Variants in SEPTIN1 observed in about 807,000 individuals in gnomAD.
The protein encoded by SEPTIN1 is septin 1.
SEPTIN1 carries 52 observed loss-of-function variants against 50.7 expected under a neutral mutation model. The ratio of observed to expected loss-of-function variants is 1.03; its 90% CI spans 0.82 to 1.29. The LOEUF (loss-of-function observed/expected upper bound fraction) is 1.29, where lower values mean the gene tolerates loss of function less well. SEPTIN1 is among the 50% of genes most tolerant of loss of function. The pLI is 0.00. For missense variants in SEPTIN1, 455 were observed against 490.7 expected (o/e 0.93, Z 0.69); for synonymous variants, 204 against 189.1 (o/e 1.08, Z -0.65).
chr16:30,379,638 C>CCCTT (rs2049813287), intron 7 of SEPTIN1, 104 bp from the exon 8 acceptor site: 11 of 295,672 alleles, frequency 3.7e-5, no homozygotes, highest in Admixed American at 8.2e-5. Context: ...CTGCCCCTTC[C>CCCTT]TCTTTTTTTT....
Position 30,382,460 on chromosome 16 carries a change from T to C in SEPTIN1, c.18+65A>G. On this transcript the variant is annotated intron_variant, in intron 1 of 10. Transcript: ENST00000321367. This position sits in a 1 kb window ranked among gnomAD's most constrained non-coding sequence, Gnocchi z 4.8. ...CCTGGGCTAGGAAGAGTCAGTGGGG[T>C]CTGGGGACCCCAGGCATGGGGGCTG... 1.3e-6 allele frequency: 2 copies of C among 1,576,950 alleles called. No homozygotes were observed. Among genetic ancestry groups the C allele is most frequent in the Non-Finnish European group, 1.7e-6 (2 of 1,152,532 alleles).
chr16:30,378,847 A>AAAGAGGGGGAGAGAGG (rs2049792343), intron 9 of SEPTIN1, 147 bp from the exon 10 acceptor site: 1 of 530,494 alleles, frequency 1.9e-6, no homozygotes. Flanking sequence ...GCGGGTGGGG[A>AAAGAGGGGGAGAGAGG]GAGAGGGGGA....
chr16:30,381,683 C>A lies in SEPTIN1; in HGVS notation c.320+77G>T. The A allele has an allele frequency of 1.9e-6, 3 of 1,581,902 alleles. No homozygotes were observed. Among genetic ancestry groups the A allele is most frequent in the Non-Finnish European group, 1.7e-6 (2 of 1,164,322 alleles). The stretch of plus-strand genomic sequence containing the variant: ...ACCACCTTTTGAGATAGGGAGCCAG[C>A]ACAAACCAGTCCTGTAACTCTCCAG... On this transcript the variant is annotated intron_variant, in intron 4 of 10. Transcript: ENST00000321367. The surrounding 1 kb of genome is among the most constrained non-coding windows in gnomAD (Gnocchi z 4.3).
In SEPTIN1 at chr16:30,379,195, G is replaced by C. The variant is rs760839269; in HGVS notation, c.776-12C>G. On this transcript the variant is annotated splice_polypyrimidine_tract_variant and intron_variant, in intron 8 of 10. Coordinates refer to ENST00000321367, the MANE Select transcript of SEPTIN1 (RefSeq NM_001365977.2). Reference sequence around the variant, plus strand: ...ATGTGGGTTCTCCACTGGAGGGGGGGCGGCGCGGACCAGCGAACGTCAGGG... The same window carrying C: ...ATGTGGGTTCTCCACTGGAGGGGGGCCGGCGCGGACCAGCGAACGTCAGGG... 5.6e-6 allele frequency: 9 copies of C among 1,613,516 alleles called. No homozygotes were observed.
At position 30,381,239 on chromosome 16, in the gene SEPTIN1, C is replaced by T. The variant is rs200056893; in HGVS notation, c.461G>A (p.Arg154Gln). Residue 154 changes from arginine to glutamine, a missense_variant, in exon 6 of 11, where the codon CGG becomes CAG. Physicochemically the swap from Arg to Gln is conservative, Grantham distance 43. Coordinates refer to ENST00000321367, the MANE Select transcript of SEPTIN1 (RefSeq NM_001365977.2). This position sits in a 1 kb window ranked among gnomAD's most constrained non-coding sequence, Gnocchi z 4.3. ...YFISPFGRGLRPLDVAFLRAV... is the reference protein window; with the variant it reads ...YFISPFGRGLQPLDVAFLRAV... ...CCGGAGGAAGGCCACATCTAGGGGC[C>T]GGAGCCTGCACCCAGGGATTGGTCA... 32 of 1,613,944 alleles carry T rather than the reference C, an allele frequency of 2.0e-5. No individual in the cohort carries two copies. Among genetic ancestry groups the T allele is most frequent in the African/African-American group, 1.9e-4 (14 of 74,964 alleles).
At chr16:30,378,920 G>GT (rs1020204444) in intron 9 of SEPTIN1, 98 bp downstream of exon 9, 1 of 1,251,958 alleles carries the variant, frequency 8.0e-7, no homozygotes, top group Non-Finnish European at 1.1e-6. Context: ...TCTGAGTGGT[G>GT]AAGGCGGAGT....
intron 8 of SEPTIN1, 79 bp downstream of exon 8, chr16:30,379,356 A>C: frequency 2.8e-6 from 4 of 1,453,728 alleles, no homozygotes; most frequent in Non-Finnish European, 3.8e-6. Context: ...GCCCACCCCA[A>C]CTTCACATGT....
chr16:30,380,213 T>C (rs989480577), intron 6 of SEPTIN1, 180 bp from the exon 7 acceptor site: 2 of 424,874 alleles, frequency 4.7e-6, no homozygotes, highest in Non-Finnish European at 4.2e-6. Flanking sequence ...GAGACATAGA[T>C]GGTGAGAAAC....
chr16:30,382,596 C>A (rs111542325), upstream of SEPTIN1: 1 of 1,560,084 alleles, frequency 6.4e-7, no homozygotes, highest in Non-Finnish European at 8.7e-7. The surrounding 1 kb of genome is among the most constrained non-coding windows in gnomAD (Gnocchi z 4.8). Flanking sequence ...AAGCTGAGTG[C>A]GGCTAACAAG....
chr16:30,381,261 G>T lies in SEPTIN1; in HGVS notation c.456-17C>A. Reference sequence around the variant, plus strand: ...GGCCGGAGCCTGCACCCAGGGATTGGTCATTGCCCAGCCTCAGGGGGCAGA... The same window carrying T: ...GGCCGGAGCCTGCACCCAGGGATTGTTCATTGCCCAGCCTCAGGGGGCAGA... On this transcript the variant is annotated splice_polypyrimidine_tract_variant and intron_variant, in intron 5 of 10. Coordinates refer to ENST00000321367, the MANE Select transcript of SEPTIN1 (RefSeq NM_001365977.2). This position sits in a 1 kb window ranked among gnomAD's most constrained non-coding sequence, Gnocchi z 4.3. 1 of 1,613,582 alleles carries T rather than the reference G, an allele frequency of 6.2e-7. No individual in the cohort carries two copies. Among genetic ancestry groups the T allele is most frequent in the Non-Finnish European group, 8.5e-7 (1 of 1,179,558 alleles).
chr16:30,379,838 C>G (rs1360569612), intron 7 of SEPTIN1, 94 bp downstream of exon 7: 6 of 736,308 alleles, frequency 8.1e-6, no homozygotes, highest in African/African-American at 1.7e-5. Flanking sequence ...AACTCCTGAC[C>G]TCAGGGGATC....
At position 30,381,868 on chromosome 16, in the gene SEPTIN1, G is replaced by T. The variant is rs1176553040; in HGVS notation, c.212C>A (p.Thr71Asn). Residue 71 changes from threonine to asparagine, a missense_variant, in exon 4 of 11, where the codon ACC becomes AAC. Transcript: ENST00000321367. The surrounding 1 kb of genome is among the most constrained non-coding windows in gnomAD (Gnocchi z 4.3). ...TACGCCCCGGCGCTCAATGGCCAGG[G>T]TCTGTGTCAAGCGAGCTGTGGGATG... The part of the protein sequence containing the change: ...VPEASARLTQ[T>N]LAIERRGVEI... 1 of 1,614,046 alleles carries T rather than the reference G, an allele frequency of 6.2e-7. No homozygotes were observed. Among genetic ancestry groups the T allele is most frequent in the Non-Finnish European group, 8.5e-7 (1 of 1,180,018 alleles).
At chr16:30,380,889 C>T in intron 6 of SEPTIN1, 1 of 570,702 alleles carries the variant, frequency 1.8e-6, no homozygotes, top group South Asian at 2.0e-5. Flanking sequence ...GTCTATGCTC[C>T]TGCCCTCAAA....
chr16:30,378,174 G>A lies in SEPTIN1; in HGVS notation c.*260C>T, dbSNP rs957714222. ...TCAGTTTTTATTGAAGACAGAGTCT[G>A]GGAGAAGAAGGGGGACTCCGGAAGA... On this transcript the variant is annotated 3_prime_UTR_variant, in exon 11 of 11. Coordinates refer to ENST00000321367, the MANE Select transcript of SEPTIN1 (RefSeq NM_001365977.2). The A allele has an allele frequency of 1.4e-6, 1 of 705,156 alleles. No individual in the cohort carries two copies. Among genetic ancestry groups the A allele is most frequent in the South Asian group, 1.5e-5 (1 of 66,340 alleles). 43.7% of individuals were successfully genotyped at this position (705,156 alleles called of 1,614,324 possible). A position where few individuals can be genotyped will look rare whatever the true frequency, so the allele number is the denominator to read the frequency against.
chr16:30,379,309 C>A lies in SEPTIN1; in HGVS notation c.775+126G>T, dbSNP rs538181547. The A allele has an allele frequency of 8.3e-6, 12 of 1,438,008 alleles. No homozygotes were observed. The East Asian group carries it at 2.5e-4, about 30-fold the overall frequency. 89.1% of individuals were successfully genotyped at this position (1,438,008 alleles called of 1,614,324 possible). A position where few individuals can be genotyped will look rare whatever the true frequency, so the allele number is the denominator to read the frequency against. Reference sequence around the variant, plus strand: ...GGAGGGTCCGCGGTCTGCAGCCCAGCGACCCCCCTTTCCTCCTAGGATCCC... The same window carrying A: ...GGAGGGTCCGCGGTCTGCAGCCCAGAGACCCCCCTTTCCTCCTAGGATCCC... On this transcript the variant is annotated intron_variant, in intron 8 of 10. Coordinates refer to ENST00000321367, the MANE Select transcript of SEPTIN1 (RefSeq NM_001365977.2).
At position 30,382,462 on chromosome 16, in the gene SEPTIN1, TG is replaced by T; in HGVS notation, c.18+62del. On this transcript the variant is annotated intron_variant, in intron 1 of 10. Coordinates refer to ENST00000321367, the MANE Select transcript of SEPTIN1 (RefSeq NM_001365977.2). The surrounding 1 kb of genome is among the most constrained non-coding windows in gnomAD (Gnocchi z 4.8). Reference sequence around the variant, plus strand: ...TGGGCTAGGAAGAGTCAGTGGGGTCTGGGGACCCCAGGCATGGGGGCTGGGG... The same window carrying T: ...TGGGCTAGGAAGAGTCAGTGGGGTCTGGGACCCCAGGCATGGGGGCTGGGG... 6.4e-7 allele frequency: 1 copy of T among 1,565,398 alleles called. No homozygotes were observed. Among genetic ancestry groups the T allele is most frequent in the South Asian group, 1.1e-5 (1 of 88,596 alleles).
At position 30,382,094 on chromosome 16, in the gene SEPTIN1, A is replaced by ACAC; in HGVS notation, c.194_195insGTG (p.Ser65delinsArgCys). 6.3e-7 allele frequency: 1 copy of ACAC among 1,578,566 alleles called. No homozygotes were observed. The highest frequency in any genetic ancestry group is 1.1e-5 in the South Asian group (1 of 87,682). On this transcript the variant is annotated protein_altering_variant and splice_region_variant, in exon 3 of 11. Transcript: ENST00000321367. This position sits in a 1 kb window ranked among gnomAD's most constrained non-coding sequence, Gnocchi z 4.8. ...TCAAGAGGGTGGGGAGGGTCTTACC[A>ACAC]CTGGCCTCTGGCACCTGGCGATCCT... is the stretch of plus-strand genomic sequence containing the variant.
intron 10 of SEPTIN1, 42 bp downstream of exon 10, chr16:30,378,568 G>A (rs1032914191): frequency 2.5e-6 from 4 of 1,608,604 alleles, no homozygotes; most frequent in South Asian, 1.1e-5. Flanking sequence ...GCCAGAGGGG[G>A]ACCTGGGGCA....
At position 30,382,289 on chromosome 16, in the gene SEPTIN1, G is replaced by A. The variant is rs755633466; in HGVS notation, c.95C>T (p.Thr32Met). 38 of 1,613,656 alleles carry A rather than the reference G, an allele frequency of 2.4e-5. No individual in the cohort carries two copies. Among genetic ancestry groups the A allele is most frequent in the South Asian group, 9.9e-5 (9 of 91,064 alleles). ...AACCCCCAGACCTGCCACCATTAGC[G>A]TGAAGTCAAACCCCTTCTTGACAGA... is the stretch of plus-strand genomic sequence containing the variant. ...RKSVKKGFDF[T>M]LMVAGESGLG... is the part of the protein sequence containing the mutation. The change falls in exon 2 of 11, where the codon ACG becomes ATG. Residue 32 changes from threonine to methionine, a missense_variant. Physicochemically the swap from Thr to Met is moderately conservative, Grantham distance 81. Coordinates refer to ENST00000321367, the MANE Select transcript of SEPTIN1 (RefSeq NM_001365977.2). This position sits in a 1 kb window ranked among gnomAD's most constrained non-coding sequence, Gnocchi z 4.8.
Sources: allele counts gnomAD v4.1 joint callset, GRCh38; gene constraint gnomAD v4.1.1; non-coding constraint Gnocchi (gnomAD v3.1); transcripts MANE v1.5; gene names NCBI Gene and HGNC (gene_info 2026-07-23, HGNC 2026-07-21).